The following MAP4K5 variants were observed in gnomAD, a reference collection of about 807,000 sequenced individuals.
MAP4K5 encodes the protein MAPK/ERK kinase kinase kinase 5.
In MAP4K5, 82 loss-of-function variants were observed where a neutral mutation model predicts 135.6. The ratio of observed to expected loss-of-function variants is 0.60; its 90% CI spans 0.51 to 0.73. The LOEUF is 0.73. MAP4K5 is among the 30% of genes least tolerant of loss of function. MAP4K5 has a pLI of 0.00. For missense variants in MAP4K5, 907 were observed against 1,010.9 expected (o/e 0.90, Z 1.39); for synonymous variants, 347 against 335.0 (o/e 1.04, Z -0.39).
intron 13 of MAP4K5, among the ~76,000 whole-genome samples, chr14:50,460,917 T>C (rs1278755224): frequency 2.0e-5 from 3 of 152,242 alleles, no homozygotes; most frequent in African/African-American, 4.8e-5. Context: ...TCCTCATTTA[T>C]AAAACAGTAT....
intron 28 of MAP4K5, among the ~76,000 whole-genome samples, chr14:50,431,274 TTAAG>T (rs1351330682): frequency 1.3e-5 from 2 of 151,388 alleles, no homozygotes; most frequent in Non-Finnish European, 2.9e-5. Context: ...TTATTATACT[TTAAG>T]TTTTAGGGTA....
chr14:50,561,079 AG>A (rs1436288508), exon 1 of MAP4K5: 2 of 152,312 alleles, frequency 1.3e-5, no homozygotes, highest in African/African-American at 4.8e-5. Flanking sequence ...CACCAGGCCG[AG>A]GGGAGGGGAA....
At position 50,462,690 on chromosome 14, in the gene MAP4K5, G is replaced by A; in HGVS notation, c.911C>T (p.Thr304Ile). The change falls in exon 13 of 33, where the codon ACT (threonine) becomes ATT (isoleucine). Residue 304 changes from threonine (T) to isoleucine (I), a missense_variant. Physicochemically the swap from Thr to Ile is moderately conservative, Grantham distance 89 (BLOSUM62 -1). Transcript: ENST00000682126. The stretch of plus-strand genomic sequence containing the variant: ...CTCAAAGTCATCGTCATCTGCTTCA[G>A]TGTAATGTGCGTGGTTATCTGGATT... ...VNNPDNHAHY[T>I]EADDDDFEPH... 2 of 1,605,194 alleles carry A rather than the reference G, an allele frequency of 1.2e-6. No homozygotes were observed. Among genetic ancestry groups the A allele is most frequent in the Non-Finnish European group, 1.7e-6 (2 of 1,176,908 alleles).
intron 31 of MAP4K5, among the ~76,000 whole-genome samples, chr14:50,423,831 C>T (rs576876825): frequency 2.0e-5 from 3 of 152,184 alleles, no homozygotes; most frequent in South Asian, 2.1e-4. Context: ...CCAAAGTGCC[C>T]GCAGTTTGTA....
chr14:50,444,557 TG>T (rs1447164803), intron 18 of MAP4K5, among the ~76,000 whole-genome samples: 2 of 152,010 alleles, frequency 1.3e-5, no homozygotes, highest in Admixed American at 6.6e-5. Flanking sequence ...GAGATTAGCC[TG>T]GGCAACACGG....
intron 3 of MAP4K5, among the ~76,000 whole-genome samples, chr14:50,487,376 A>G (rs2037387267): frequency 4.9e-5 from 1 of 20,328 alleles, no homozygotes; most frequent in South Asian, 3.3e-3. Flanking sequence ...TTTATTTATA[A>G]TCATTGGAAC....
Position 50,431,964 on chromosome 14 carries a change from A to T in MAP4K5, c.2164+2430T>A, listed in dbSNP as rs184906668. On this transcript the variant is annotated intron_variant, in intron 28 of 32. Transcript: ENST00000682126. Reference sequence around the variant, plus strand: ...CAAACATAAACACAGAATTTTATATAATATTTTGGGGTGTTTGTGGACCTT... The same window carrying T: ...CAAACATAAACACAGAATTTTATATTATATTTTGGGGTGTTTGTGGACCTT... 1.8e-4 allele frequency among the ~76,000 whole-genome samples: 27 copies of T among 152,330 alleles called. No homozygotes were observed. The East Asian group carries it at 5.2e-3, about 29-fold the overall frequency.
chr14:50,442,469 G>A (rs986489904), intron 21 of MAP4K5, among the ~76,000 whole-genome samples: 6 of 151,706 alleles, frequency 4.0e-5, no homozygotes, highest in Admixed American at 2.0e-4. Flanking sequence ...GTCCTTTTAC[G>A]GTAAAAGAAA....
intron 9 of MAP4K5, among the ~76,000 whole-genome samples, chr14:50,469,945 T>C (rs1411254165): frequency 6.6e-6 from 1 of 152,220 alleles, no homozygotes; most frequent in Non-Finnish European, 1.5e-5. Flanking sequence ...TCAAGTGTGG[T>C]TAGCATATAA....
At chr14:50,493,301 C>T (rs1186182165) in intron 3 of MAP4K5, among the ~76,000 whole-genome samples, 1 of 152,094 alleles carries the variant, frequency 6.6e-6, no homozygotes, top group Non-Finnish European at 1.5e-5. Flanking sequence ...ACATGATCTC[C>T]ATTACGTTGC....
chr14:50,555,421 A>G (rs1280694101), intron 1 of MAP4K5, among the ~76,000 whole-genome samples: 2 of 152,162 alleles, frequency 1.3e-5, no homozygotes, highest in African/African-American at 4.8e-5. Flanking sequence ...AGCTGGGACT[A>G]CAGGTGCACG....
chr14:50,462,640 T>C, intron 13 of MAP4K5, 25 bp downstream of exon 13: 1 of 1,491,024 alleles, frequency 6.7e-7, no homozygotes, highest in Non-Finnish European at 9.3e-7. Context: ...TATTTTCAAC[T>C]ATGAGACTGC....
intron 2 of MAP4K5, among the ~76,000 whole-genome samples, chr14:50,507,904 GTTAAC>G (rs758111683): frequency 3.3e-5 from 5 of 152,140 alleles, no homozygotes; most frequent in Non-Finnish European, 5.9e-5. Context: ...GGATATCCTT[GTTAAC>G]TTTCTGTCTC....
rs1213287244 is a variant in MAP4K5, at chr14:50,419,730, TACAA to T, written c.*285_*288del. ...TCTAAAAATACCATGGCACCCTTGT[TACAA>T]ACATTGTTTTTTTTAAAAAAAGACT... On this transcript the variant is annotated 3_prime_UTR_variant, in exon 33 of 33. Coordinates refer to ENST00000682126, the MANE Select transcript of MAP4K5 (RefSeq NM_006575.6). The T allele has an allele frequency of 3.5e-6, 1 of 285,434 alleles. No individual in the cohort carries two copies. Among genetic ancestry groups the T allele is most frequent in the African/African-American group, 2.1e-5 (1 of 47,124 alleles). The allele number at this position is 285,434 out of a possible 1,614,324, so 17.7% of individuals were successfully genotyped here.
intron 3 of MAP4K5, among the ~76,000 whole-genome samples, chr14:50,496,584 T>C (rs980074281): frequency 3.3e-5 from 5 of 151,922 alleles, no homozygotes; most frequent in Admixed American, 6.6e-5. Flanking sequence ...ACATGGTTCA[T>C]TGAAGCCTCA....
rs371088939 is a variant in MAP4K5 at position 50,422,356 on chromosome 14, T to G, written c.2453+765A>C. Among the ~76,000 whole-genome samples, 11 of 152,312 alleles carry G rather than the reference T, an allele frequency of 7.2e-5. No individual in the cohort carries two copies. In the East Asian group the frequency reaches 7.7e-4, roughly 11 times the overall value. ...TCCTATAAAACTCTCTTCAAAATTT[T>G]TATGGAGTTATAACTCCATTTCCCC... On this transcript the variant is annotated intron_variant, in intron 32 of 32. Transcript: ENST00000682126.
intron 5 of MAP4K5, among the ~76,000 whole-genome samples, chr14:50,484,970 T>C (rs2037332532): frequency 6.6e-6 from 1 of 152,084 alleles, no homozygotes; most frequent in African/African-American, 2.4e-5. Context: ...GAAGAAAAAT[T>C]ATAAGGATCT....
At chr14:50,429,553 T>G (rs932941531) in intron 28 of MAP4K5, among the ~76,000 whole-genome samples, 1 of 152,086 alleles carries the variant, frequency 6.6e-6, no homozygotes, top group Non-Finnish European at 1.5e-5. Context: ...AGGTAAAATA[T>G]GAGGAGGAAA....
chr14:50,422,603 C>T (rs1595411000), intron 32 of MAP4K5, among the ~76,000 whole-genome samples: 2 of 151,790 alleles, frequency 1.3e-5, no homozygotes, highest in East Asian at 3.9e-4. Context: ...AAGAAGTAGG[C>T]AGTAGATTTT....
Sources: allele counts gnomAD v4.1 joint callset (sites outside exome capture counted in the v4.1 genomes callset), GRCh38; gene constraint gnomAD v4.1.1; transcripts MANE v1.5; gene names NCBI Gene and HGNC (gene_info 2026-07-23, HGNC 2026-07-21).